Variants in KCNN2 observed in about 807,000 individuals in gnomAD.
The protein encoded by KCNN2 is small conductance calcium-activated potassium channel protein 2.
Under a neutral mutation model 55.5 loss-of-function variants are expected in KCNN2, and 24 were observed. The observed-to-expected ratio is 0.43, with a 90% CI of 0.31 to 0.61. KCNN2 has a LOEUF of 0.61. KCNN2 is among the 20% of genes least tolerant of loss of function. The pLI is 0.08. For missense variants in KCNN2, 754 were observed against 853.6 expected, an observed-to-expected ratio of 0.88 and a Z score of 1.45; for synonymous variants, 431 against 336.1, an observed-to-expected ratio of 1.28 and a Z score of -3.09.
chr5:114,294,081 CT>C (rs1281226764), intron 2 of KCNN2, among the ~76,000 whole-genome samples: 1 of 152,090 alleles, frequency 6.6e-6, no homozygotes, highest in Non-Finnish European at 1.5e-5. Flanking sequence ...ATTCTTCTCT[CT>C]TTTTTTCTTT....
chr5:114,356,849 G>A (rs1421755121), intron 2 of KCNN2, among the ~76,000 whole-genome samples: 4 of 151,990 alleles, frequency 2.6e-5, no homozygotes, highest in Non-Finnish European at 5.9e-5. Context: ...GGTGTTTTTA[G>A]GGCCTTTTAA....
Position 114,241,729 on chromosome 5 carries a change from TATAC to T in KCNN2, c.-185+20168_-185+20171del, listed in dbSNP as rs1433390989. Among the ~76,000 whole-genome samples the T allele has an allele frequency of 3.9e-5, 3 of 75,952 alleles. 1 individual carries two copies. Among genetic ancestry groups the T allele is most frequent in the East Asian group, 5.9e-4 (2 of 3,364 alleles). The allele number at this position is 75,952 out of a possible 152,430, so 49.8% of individuals were successfully genotyped here. A position where few individuals can be genotyped will look rare whatever the true frequency, so the allele number is the denominator to read the frequency against. On this transcript the variant is annotated intron_variant, in intron 2 of 10. Coordinates refer to the KCNN2 transcript ENST00000512097. ...GGATATATATATATATACGTATATA[TATAC>T]ATATATACGTATATATATGTATATA... is the stretch of plus-strand genomic sequence containing the variant.
intron 1 of KCNN2, among the ~76,000 whole-genome samples, chr5:114,093,334 T>A (rs1243087337): frequency 6.6e-6 from 1 of 152,178 alleles, no homozygotes; most frequent in African/African-American, 2.4e-5. Context: ...AGCATTTTGG[T>A]CAAAACCATT....
intron 2 of KCNN2, among the ~76,000 whole-genome samples, chr5:114,229,540 T>C (rs1291642211): frequency 6.6e-6 from 1 of 152,132 alleles, no homozygotes; most frequent in East Asian, 1.9e-4. Flanking sequence ...TTGTGATTAT[T>C]TGATTTAGGA....
At chr5:114,357,131 T>C (rs1211862667), upstream of KCNN2, among the ~76,000 whole-genome samples, 2 of 152,078 alleles carry the variant, frequency 1.3e-5, no homozygotes, top group South Asian at 2.1e-4. Flanking sequence ...CCTGGTCTGA[T>C]TGAATTTGGA....
intron 1 of KCNN2, among the ~76,000 whole-genome samples, chr5:114,178,034 T>C (rs917494332): frequency 5.3e-5 from 8 of 152,240 alleles, no homozygotes; most frequent in African/African-American, 1.9e-4. Context: ...TGAAAGACAA[T>C]GAACGTCTTC....
At chr5:114,366,730 C>G (rs541850813) in intron 2 of KCNN2, among the ~76,000 whole-genome samples, 5 of 152,292 alleles carry the variant, frequency 3.3e-5, no homozygotes, top group African/African-American at 4.8e-5. Context: ...TTATTGATGT[C>G]ACTGCTGTGG....
At chr5:114,222,514 G>C (rs1250075779) in intron 2 of KCNN2, among the ~76,000 whole-genome samples, 1 of 152,162 alleles carries the variant, frequency 6.6e-6, no homozygotes, top group Non-Finnish European at 1.5e-5. Flanking sequence ...GAATGACAGT[G>C]CTCAAGAATG....
intron 6 of KCNN2, among the ~76,000 whole-genome samples, chr5:114,488,173 T>C (rs1747667108): frequency 6.6e-6 from 1 of 152,198 alleles, no homozygotes; most frequent in Admixed American, 6.5e-5. Context: ...CCTGCTTAAA[T>C]AGATATCACT....
intron 2 of KCNN2, among the ~76,000 whole-genome samples, chr5:114,249,366 C>G (rs1754813345): frequency 6.6e-6 from 1 of 151,074 alleles, no homozygotes; most frequent in Non-Finnish European, 1.5e-5. Context: ...TGGCTCACTA[C>G]AACCTCCACC....
rs530156435 is a variant in KCNN2, at chr5:114,317,005, C to T, written c.-184-43940C>T. ...TAAGGCCCTTTGAGATCAGCAAGTG[C>T]TTTCCAGAAGGGGCTTTTCAGCAGA... On this transcript the variant is annotated intron_variant, in intron 2 of 10. Transcript: ENST00000512097. 7.2e-5 allele frequency among the ~76,000 whole-genome samples: 11 copies of T among 152,310 alleles called. No homozygotes were observed. In the South Asian group the frequency reaches 1.7e-3, roughly 23 times the overall value.
At chr5:114,210,662 A>T (rs531574971) in intron 1 of KCNN2, among the ~76,000 whole-genome samples, 4 of 152,330 alleles carry the variant, frequency 2.6e-5, no homozygotes, top group African/African-American at 7.2e-5. Context: ...AGTAATTTTT[A>T]AATTTAAATT....
At chr5:114,145,929 G>A (rs545374447) in intron 1 of KCNN2, among the ~76,000 whole-genome samples, 17 of 152,030 alleles carry the variant, frequency 1.1e-4, no homozygotes, top group Admixed American at 2.0e-4. Flanking sequence ...TCTTTTTGAC[G>A]GTTGGATGTG....
chr5:114,491,782 A>G (rs1250755755), intron 6 of KCNN2, among the ~76,000 whole-genome samples: 1 of 152,122 alleles, frequency 6.6e-6, no homozygotes, highest in Non-Finnish European at 1.5e-5. Flanking sequence ...TAAGGATGGA[A>G]TCCACTGTTG....
intron 1 of KCNN2, among the ~76,000 whole-genome samples, chr5:114,193,288 T>G (rs942897179): frequency 6.6e-6 from 1 of 152,114 alleles, no homozygotes; most frequent in Non-Finnish European, 1.5e-5. Context: ...TTTACTCCAG[T>G]CATGCTTTAT....
intron 2 of KCNN2, among the ~76,000 whole-genome samples, chr5:114,316,765 C>A (rs188530233): frequency 6.6e-6 from 1 of 152,130 alleles, no homozygotes; most frequent in African/African-American, 2.4e-5. Flanking sequence ...ATTTAAAACA[C>A]GCTCTAATGC....
intron 3 of KCNN2, among the ~76,000 whole-genome samples, chr5:114,450,461 G>A (rs1159512598): frequency 6.6e-6 from 1 of 152,194 alleles, no homozygotes; most frequent in African/African-American, 2.4e-5. Context: ...AAAAGGAACA[G>A]GAGGAAAGAG....
chr5:114,300,106 A>C (rs186433346), intron 2 of KCNN2, among the ~76,000 whole-genome samples: 2 of 152,146 alleles, frequency 1.3e-5, no homozygotes, highest in East Asian at 3.9e-4. Flanking sequence ...CTTCTTACAA[A>C]ACCATGAATT....
chr5:114,297,238 A>G, intron 2 of KCNN2, among the ~76,000 whole-genome samples: 1 of 152,156 alleles, frequency 6.6e-6, no homozygotes, highest in Non-Finnish European at 1.5e-5. Flanking sequence ...GGATCACTTA[A>G]GTCCAGGAGT....
Sources: allele counts gnomAD v4.1 joint callset (sites outside exome capture counted in the v4.1 genomes callset), GRCh38; gene constraint gnomAD v4.1.1; transcripts MANE v1.5; gene names NCBI Gene and HGNC (gene_info 2026-07-23, HGNC 2026-07-21).